ODF2: variants seen among roughly 807,000 people sequenced by gnomAD.
ODF2 encodes the protein outer dense fiber of sperm tails 2, also known as outer dense fiber protein 2.
A neutral mutation model predicts 110.2 loss-of-function variants in ODF2; 47 were observed. The ratio of observed to expected loss-of-function variants is 0.43; its 90% CI spans 0.34 to 0.54. The LOEUF is 0.54. ODF2 is among the 20% of genes least tolerant of loss of function. The pLI, the probability that ODF2 is intolerant of heterozygous loss-of-function variation, is 0.03. For missense variants in ODF2, 812 were observed against 1,054.5 expected, an observed-to-expected ratio of 0.77 and a Z score of 3.19; for synonymous variants, 352 against 397.7, an observed-to-expected ratio of 0.89 and a Z score of 1.37.
chr9:128,496,336 T>C, intron 18 of ODF2, 195 bp downstream of exon 18: 1 of 1,450,902 alleles, frequency 6.9e-7, no homozygotes, highest in Middle Eastern at 2.3e-4. Context: ...CCTCTCAGCC[T>C]GGGGAGACAC....
chr9:128,456,543 C>T, intron 1 of ODF2: 1 of 1,527,690 alleles, frequency 6.5e-7, no homozygotes, highest in Non-Finnish European at 8.7e-7. Context: ...ACCTTTCTCT[C>T]TATGGGCAGA....
At chr9:128,472,827 C>G in intron 6 of ODF2, 86 bp from the exon 7 acceptor site, 1 of 1,582,112 alleles carries the variant, frequency 6.3e-7, no homozygotes, top group Non-Finnish European at 8.6e-7. Context: ...CAGAGGTGAG[C>G]CCCCTAGGGC....
chr9:128,455,553 CAAAAA>C (rs55634490), upstream of ODF2, among the ~76,000 whole-genome samples: 14 of 56,822 alleles, frequency 2.5e-4, no homozygotes, highest in Admixed American at 8.8e-4. Context: ...GAATCTGTCT[CAAAAA>C]AAAAAAAAAA....
chr9:128,469,187 C>T (rs1839087819), exon 5 of ODF2: 3 of 1,613,750 alleles, frequency 1.9e-6, no homozygotes, highest in Non-Finnish European at 2.5e-6. Flanking sequence ...CATCAGAATC[C>T]ACCTCATTGC....
chr9:128,470,258 C>A (rs1002469398), intron 5 of ODF2, among the ~76,000 whole-genome samples: 4 of 151,042 alleles, frequency 2.6e-5, no homozygotes, highest in African/African-American at 9.7e-5. Flanking sequence ...ACTGCTAACA[C>A]GACCTGTGTC....
At position 128,458,577 on chromosome 9, in the gene ODF2, C is replaced by T. The variant is rs578077353; in HGVS notation, c.33-990C>T. On this transcript the variant is annotated intron_variant, in intron 2 of 20. Coordinates refer to ENST00000604420, the Ensembl canonical transcript of ODF2. Reference sequence around the variant, plus strand: ...AGATTTTGGAGCAAATAGACTTTTGCTCTCTCTCTTTTTTTTTTTTTTATT... The same window carrying T: ...AGATTTTGGAGCAAATAGACTTTTGTTCTCTCTCTTTTTTTTTTTTTTATT... Among the ~76,000 whole-genome samples, 13 of 145,370 alleles carry T rather than the reference C, an allele frequency of 8.9e-5. No individual in the cohort carries two copies. In the South Asian group the frequency reaches 2.8e-3, roughly 31 times the overall value.
chr9:128,496,534 C>T (rs1160160318), intron 18 of ODF2, among the ~76,000 whole-genome samples: 2 of 152,212 alleles, frequency 1.3e-5, no homozygotes, highest in African/African-American at 4.8e-5. Context: ...CTGATCTGAC[C>T]GTTCTCTGTT....
At chr9:128,487,695 G>C (rs1185132702) in intron 13 of ODF2, among the ~76,000 whole-genome samples, 195 bp from the exon 14 acceptor site, 1 of 152,094 alleles carries the variant, frequency 6.6e-6, no homozygotes, top group African/African-American at 2.4e-5. Flanking sequence ...GCTGAGGCAG[G>C]AGAATGGCAT....
In ODF2 at chr9:128,462,253, C is replaced by T. The variant is rs192334015; in HGVS notation, c.249+1186C>T. 3.8e-3 allele frequency among the ~76,000 whole-genome samples: 581 copies of T among 151,136 alleles called. 5 individuals are homozygous for T. Among genetic ancestry groups the T allele is most frequent in the Middle Eastern group, 0.021 (6 of 284 alleles). ...CACAACCTCCGCCTCCTGGGTCAAG[C>T]GATTCTCCTGCCTCAGCCTGCTGAG... On this transcript the variant is annotated intron_variant, in intron 4 of 20. Coordinates refer to ENST00000604420, the Ensembl canonical transcript of ODF2.
At chr9:128,491,770 T>C (rs1235464605) in intron 14 of ODF2, among the ~76,000 whole-genome samples, 1 of 152,198 alleles carries the variant, frequency 6.6e-6, no homozygotes, top group African/African-American at 2.4e-5. Flanking sequence ...CTCATTCTTT[T>C]TGACAGAAAC....
intron 8 of ODF2, among the ~76,000 whole-genome samples, chr9:128,478,689 T>C (rs952279343): frequency 6.6e-6 from 1 of 152,182 alleles, no homozygotes; most frequent in African/African-American, 2.4e-5. Context: ...CCATCTTCAA[T>C]TGGAGATGAA....
chr9:128,480,353 G>C (rs1289175664), intron 8 of ODF2, among the ~76,000 whole-genome samples: 1 of 152,162 alleles, frequency 6.6e-6, no homozygotes. Flanking sequence ...CCTCAATCAA[G>C]CTGATTAACA....
In ODF2 at chr9:128,460,333, G is replaced by C. The variant is rs1836094684; in HGVS notation, c.124-609G>C. 5.6e-6 allele frequency: 8 copies of C among 1,435,436 alleles called. No homozygotes were observed. In the African/African-American group the frequency reaches 8.5e-5, roughly 15 times the overall value. 88.9% of individuals were successfully genotyped at this position (1,435,436 alleles called of 1,614,324 possible). ...TGCAGACCCTCTCTTGAGTGGACCA[G>C]AATCTCCCTTGTGGTCTTCTGCTGG... On this transcript the variant is annotated intron_variant, in intron 3 of 20. Transcript: ENST00000604420.
chr9:128,469,921 T>G (rs1258538627), intron 5 of ODF2, among the ~76,000 whole-genome samples: 1 of 125,116 alleles, frequency 8.0e-6, no homozygotes, highest in Admixed American at 9.2e-5. Flanking sequence ...GAGCCAGAGG[T>G]TGCAGTGAGC....
At chr9:128,460,137 C>G (rs1464410922) in intron 3 of ODF2, 2 of 1,295,536 alleles carry the variant, frequency 1.5e-6, no homozygotes, top group Admixed American at 2.3e-5. Flanking sequence ...GTGTGTTTCC[C>G]ACGCCAATCT....
Position 128,473,041 on chromosome 9 carries a change from C to T in ODF2, c.710C>T (p.Thr237Ile), listed in dbSNP as rs145805060. Residue 237 changes from threonine (T) to isoleucine (I), a missense_variant and splice_region_variant, in exon 7 of 21, where the codon ACA becomes ATA. Thr to Ile is a moderately conservative substitution (Grantham distance 89). This residue lies in a region of ODF2 where 219 missense variants were observed against 321.3 expected (regional missense o/e 0.68). Transcript: ENST00000604420. ...AAGGATACCATCGGGAAGCTGAAAACAGTAGGTGGCAGGTGGCAGGACCCC... is the reference window on the plus strand; with the variant it reads ...AAGGATACCATCGGGAAGCTGAAAATAGTAGGTGGCAGGTGGCAGGACCCC... 522 of 1,613,924 alleles carry T rather than the reference C, an allele frequency of 3.2e-4. No homozygotes were observed. The highest frequency in any genetic ancestry group is 4.1e-4 in the Non-Finnish European group (487 of 1,179,914).
upstream of ODF2, chr9:128,455,921 G>C (rs1375652102): frequency 5.1e-6 from 7 of 1,382,980 alleles, no homozygotes; most frequent in Middle Eastern, 2.6e-4. Flanking sequence ...GCCTTGAATG[G>C]GGGGCGAGAC....
upstream of ODF2, chr9:128,455,979 G>C (rs182519722): frequency 8.5e-6 from 12 of 1,410,150 alleles, no homozygotes; most frequent in Non-Finnish European, 1.1e-5. Context: ...GTGACGGGAC[G>C]CGTGGCCCGG....
chr9:128,481,093 G>A (rs1014051304), intron 8 of ODF2, among the ~76,000 whole-genome samples: 6 of 152,146 alleles, frequency 3.9e-5, no homozygotes, highest in African/African-American at 1.4e-4. Flanking sequence ...AGGGTTTGGA[G>A]GTGGGTACAG....
Sources: gnomAD v4.1 joint callset for allele counts (sites outside exome capture counted in the v4.1 genomes callset) on GRCh38, gnomAD v4.1.1 for gene constraint, gnomAD v4.1.1 regional missense constraint, MANE v1.5 for transcripts, NCBI Gene and HGNC (gene_info 2026-07-23, HGNC 2026-07-21) for gene names.